RTN1: variants seen among roughly 807,000 people sequenced by gnomAD.
The protein encoded by RTN1 is reticulon 1.
In RTN1, 25 loss-of-function variants were observed where a neutral mutation model predicts 65.5. The ratio of observed to expected loss-of-function variants is 0.38; its 90% CI spans 0.28 to 0.53. RTN1 has a LOEUF of 0.53. Ranked by LOEUF, RTN1 falls within the 20% of genes least tolerant of loss-of-function variation. RTN1 has a pLI of 0.79. For synonymous variants in RTN1, 471 were observed against 447.6 expected, an observed-to-expected ratio of 1.05 and a Z score of -0.66; for missense variants, 983 against 1,025.4, an observed-to-expected ratio of 0.96 and a Z score of 0.57.
At chr14:59,707,453 T>C (rs993200384) in intron 3 of RTN1, among the ~76,000 whole-genome samples, 4 of 152,232 alleles carry the variant, frequency 2.6e-5, no homozygotes, top group African/African-American at 9.6e-5. Context: ...ATTTGTATAC[T>C]ATTAGTCTCT....
intron 3 of RTN1, among the ~76,000 whole-genome samples, chr14:59,642,835 C>G (rs1594649098): frequency 6.6e-6 from 1 of 152,014 alleles, no homozygotes; most frequent in African/African-American, 2.4e-5. Flanking sequence ...CATGTTTTTG[C>G]CTGTTATATG....
At chr14:59,815,281 A>G (rs1223759421) in intron 1 of RTN1, among the ~76,000 whole-genome samples, 1 of 152,186 alleles carries the variant, frequency 6.6e-6, no homozygotes, top group Admixed American at 6.5e-5. Flanking sequence ...TATACTTGGA[A>G]GGTGATAGCA....
chr14:59,669,235 GA>G (rs1289294554), intron 3 of RTN1, among the ~76,000 whole-genome samples: 7 of 152,128 alleles, frequency 4.6e-5, no homozygotes, highest in Non-Finnish European at 8.8e-5. Flanking sequence ...ACTGGATTAA[GA>G]AAATGTGGCA....
At chr14:59,639,035 C>T (rs578024067) in intron 3 of RTN1, among the ~76,000 whole-genome samples, 5 of 152,084 alleles carry the variant, frequency 3.3e-5, no homozygotes, top group Non-Finnish European at 5.9e-5. Context: ...TTCACTCGAA[C>T]ACTTAGAAGC....
chr14:59,813,731 G>C (rs1886770232), intron 1 of RTN1, among the ~76,000 whole-genome samples: 1 of 152,078 alleles, frequency 6.6e-6, no homozygotes, highest in Non-Finnish European at 1.5e-5. Context: ...TTCTATATCA[G>C]TAATAAATAG....
At chr14:59,783,368 G>A (rs1886191835) in intron 1 of RTN1, among the ~76,000 whole-genome samples, 1 of 152,154 alleles carries the variant, frequency 6.6e-6, no homozygotes, top group South Asian at 2.1e-4. Context: ...GTTGGAGTGG[G>A]GTTTGGATTA....
intron 3 of RTN1, among the ~76,000 whole-genome samples, chr14:59,722,592 T>C (rs1332689990): frequency 6.6e-6 from 1 of 152,136 alleles, no homozygotes; most frequent in African/African-American, 2.4e-5. Flanking sequence ...AGAGCTGATA[T>C]TGTCCCTAAT....
intron 8 of RTN1, among the ~76,000 whole-genome samples, chr14:59,597,496 G>A (rs908793600): frequency 6.6e-6 from 1 of 152,184 alleles, no homozygotes; most frequent in Non-Finnish European, 1.5e-5. Context: ...TGAGCTTATC[G>A]TGCAGATTTT....
intron 3 of RTN1, among the ~76,000 whole-genome samples, chr14:59,626,442 A>C (rs866891557): frequency 6.6e-6 from 1 of 152,356 alleles, no homozygotes; most frequent in African/African-American, 2.4e-5. Flanking sequence ...AGCCCCAGGC[A>C]CACATGTATC....
intron 3 of RTN1, among the ~76,000 whole-genome samples, chr14:59,725,509 G>A (rs1006952575): frequency 1.3e-5 from 2 of 152,142 alleles, no homozygotes; most frequent in Non-Finnish European, 2.9e-5. Context: ...CAGGATAGTA[G>A]CAAAAAAACC....
Position 59,621,942 on chromosome 14 carries a change from C to A in RTN1, c.1766-14450G>T, listed in dbSNP as rs565080524. 1.9e-4 allele frequency among the ~76,000 whole-genome samples: 29 copies of A among 152,298 alleles called. No individual in the cohort carries two copies. In the South Asian group the frequency reaches 5.8e-3, roughly 30 times the overall value. ...GTGCATAATTATCTGCATTATGGTA[C>A]CATATTCTTAACTGTGTAATTTTAT... On this transcript the variant is annotated intron_variant, in intron 3 of 8. Coordinates refer to ENST00000267484, the MANE Select transcript of RTN1 (RefSeq NM_021136.3).
chr14:59,615,012 A>T (rs1251708701), intron 3 of RTN1, among the ~76,000 whole-genome samples: 1 of 152,242 alleles, frequency 6.6e-6, no homozygotes, highest in Non-Finnish European at 1.5e-5. Flanking sequence ...TGAGGGTTTT[A>T]AAAATTGTCT....
At chr14:59,625,754 G>GA (rs2140180431) in intron 3 of RTN1, among the ~76,000 whole-genome samples, 1 of 151,602 alleles carries the variant, frequency 6.6e-6, no homozygotes, top group South Asian at 2.1e-4. Context: ...CTCATTTTTA[G>GA]AAAAAAATAA....
intron 1 of RTN1, among the ~76,000 whole-genome samples, chr14:59,859,080 A>G (rs796698661): frequency 3.4e-4 from 52 of 152,344 alleles, no homozygotes; most frequent in African/African-American, 1.1e-3. Context: ...TAAGTAGTCA[A>G]TTTGGGGTAA....
chr14:59,739,268 A>C (rs1309152572), intron 2 of RTN1, among the ~76,000 whole-genome samples: 2 of 152,064 alleles, frequency 1.3e-5, no homozygotes, highest in African/African-American at 2.4e-5. Flanking sequence ...TGCCTGTAAT[A>C]CCAGCACTTT....
rs952294896 is a variant in RTN1 at position 59,836,739 on chromosome 14, T to C, written c.241+33651A>G. 1.3e-5 allele frequency among the ~76,000 whole-genome samples: 2 copies of C among 151,870 alleles called. No homozygotes were observed. The highest frequency in any genetic ancestry group is 1.3e-4 in the Admixed American group (2 of 15,224). On this transcript the variant is annotated intron_variant, in intron 1 of 8. Transcript: ENST00000267484. This position sits in a 1 kb window ranked among gnomAD's most constrained non-coding sequence, Gnocchi z 4.9. ...GAAGCCAGACTTCAACAGGCAAAGATGGGTCAAGGAGGAAGAAAGCCAATG... is the reference window on the plus strand; with the variant it reads ...GAAGCCAGACTTCAACAGGCAAAGACGGGTCAAGGAGGAAGAAAGCCAATG...
At chr14:59,749,928 G>T in intron 1 of RTN1, among the ~76,000 whole-genome samples, 1 of 99,710 alleles carries the variant, frequency 1.0e-5, no homozygotes, top group African/African-American at 3.9e-5. Context: ...CTTCCTCCTT[G>T]GTTCAAATAT....
chr14:59,682,014 C>T (rs2140222345), intron 3 of RTN1, among the ~76,000 whole-genome samples: 1 of 152,292 alleles, frequency 6.6e-6, no homozygotes, highest in African/African-American at 2.4e-5. Flanking sequence ...TCTTTCTAAA[C>T]ATAAATCTGA....
intron 1 of RTN1, among the ~76,000 whole-genome samples, chr14:59,801,446 A>T (rs1437919058): frequency 1.3e-5 from 2 of 152,200 alleles, no homozygotes; most frequent in Admixed American, 6.5e-5. Flanking sequence ...ACAGAATAGC[A>T]TATTTAACAT....
Sources: gnomAD v4.1 joint callset for allele counts (sites outside exome capture counted in the v4.1 genomes callset) on GRCh38, gnomAD v4.1.1 for gene constraint, Gnocchi (gnomAD v3.1) non-coding constraint, MANE v1.5 for transcripts, NCBI Gene and HGNC (gene_info 2026-07-23, HGNC 2026-07-21) for gene names.